Variants in NDUFAF2 observed in about 807,000 individuals in gnomAD.
The protein encoded by NDUFAF2 is NADH:ubiquinone oxidoreductase complex assembly factor 2, also known as NADH dehydrogenase [ubiquinone] 1 alpha subcomplex assembly factor 2.
A neutral mutation model predicts 22.8 loss-of-function variants in NDUFAF2; 13 were observed. The observed-to-expected ratio is 0.57, with a 90% CI of 0.37 to 0.91. The LOEUF (loss-of-function observed/expected upper bound fraction) is 0.91, where lower values mean the gene tolerates loss of function less well. Among genes scored for constraint, NDUFAF2 ranks in the 40% least tolerant of loss-of-function variants. The probability of loss-of-function intolerance (pLI) is 0.01; values close to 1 mark genes in which losing one functional copy is unlikely to be tolerated. For synonymous variants in NDUFAF2, 53 were observed against 64.2 expected, an observed-to-expected ratio of 0.83 and a Z score of 0.84; for missense variants, 162 against 195.2, an observed-to-expected ratio of 0.83 and a Z score of 1.01.
chr5:60,979,363 C>T (rs1750945684), intron 1 of NDUFAF2, among the ~76,000 whole-genome samples: 2 of 152,110 alleles, frequency 1.3e-5, no homozygotes, highest in African/African-American at 2.4e-5. Context: ...CTCATGGGGC[C>T]CCCACTTTTA....
intron 2 of NDUFAF2, among the ~76,000 whole-genome samples, chr5:61,094,091 G>A (rs1752605321): frequency 6.6e-6 from 1 of 151,998 alleles, no homozygotes; most frequent in African/African-American, 2.4e-5. Context: ...TTTCTATGGG[G>A]TCAGCGATAC....
chr5:61,083,637 A>G (rs1397874409), intron 2 of NDUFAF2, among the ~76,000 whole-genome samples: 1 of 145,782 alleles, frequency 6.9e-6, no homozygotes, highest in African/African-American at 2.4e-5. Context: ...TCGGCCTCCC[A>G]AAAGTGCTGG....
chr5:61,092,641 A>C (rs560280707), intron 2 of NDUFAF2, among the ~76,000 whole-genome samples: 1 of 152,300 alleles, frequency 6.6e-6, no homozygotes, highest in Non-Finnish European at 1.5e-5. Flanking sequence ...ATACAGGATC[A>C]TGTCATCTGC....
At chr5:60,957,911 A>G (rs1269037114) in intron 1 of NDUFAF2, among the ~76,000 whole-genome samples, 2 of 151,986 alleles carry the variant, frequency 1.3e-5, no homozygotes, top group Non-Finnish European at 2.9e-5. Context: ...TTTGTGTATA[A>G]CCTGTATTAG....
chr5:61,107,755 C>T lies in NDUFAF2; in HGVS notation c.258+8723C>T, dbSNP rs563699411. 6.7e-5 allele frequency among the ~76,000 whole-genome samples: 10 copies of T among 149,990 alleles called. 1 individual carries two copies. Among genetic ancestry groups the T allele is most frequent in the South Asian group, 2.1e-4 (1 of 4,770 alleles). On this transcript the variant is annotated intron_variant, in intron 3 of 3. Coordinates refer to ENST00000296597, the MANE Select transcript of NDUFAF2 (RefSeq NM_174889.5). ...TATGTATACACGTGCCATGCTGGTG[C>T]GCTGCACCCACTAACTCGTCATCTA...
chr5:60,994,582 A>G (rs1561537230), intron 1 of NDUFAF2, among the ~76,000 whole-genome samples: 1 of 152,234 alleles, frequency 6.6e-6, no homozygotes, highest in African/African-American at 2.4e-5. Context: ...TTGGAGCTCC[A>G]TTGTTGTTTA....
At chr5:60,994,660 T>C (rs1357094596) in intron 1 of NDUFAF2, among the ~76,000 whole-genome samples, 1 of 152,246 alleles carries the variant, frequency 6.6e-6, no homozygotes, top group South Asian at 2.1e-4. Flanking sequence ...ATTAAATGTC[T>C]TGAAGTAGTC....
chr5:61,121,801 G>C (rs1752979037), intron 3 of NDUFAF2, among the ~76,000 whole-genome samples: 1 of 149,902 alleles, frequency 6.7e-6, no homozygotes, highest in African/African-American at 2.4e-5. Context: ...CTGAAGACTG[G>C]TTTCTTTTCT....
chr5:61,026,327 G>T (rs1751649588), intron 1 of NDUFAF2, among the ~76,000 whole-genome samples: 1 of 151,926 alleles, frequency 6.6e-6, no homozygotes, highest in Admixed American at 6.6e-5. Context: ...TGGTAATAAG[G>T]GTTTACACTG....
intron 3 of NDUFAF2, among the ~76,000 whole-genome samples, chr5:61,138,158 G>A (rs1278105486): frequency 6.6e-6 from 1 of 152,174 alleles, no homozygotes; most frequent in Non-Finnish European, 1.5e-5. Context: ...AGGCAAGTTT[G>A]GATTTTGTTG....
chr5:61,063,343 T>TAA (rs35853222), intron 1 of NDUFAF2, among the ~76,000 whole-genome samples: 110 of 146,810 alleles, frequency 7.5e-4, no homozygotes, highest in Non-Finnish European at 1.2e-3. Context: ...TCAAAAAAGT[T>TAA]AAAAAAAAAA....
intron 1 of NDUFAF2, among the ~76,000 whole-genome samples, chr5:61,018,821 G>A (rs997086797): frequency 2.0e-5 from 3 of 151,982 alleles, no homozygotes; most frequent in African/African-American, 7.2e-5. Flanking sequence ...GATTCCATAG[G>A]CTTATGGATG....
chr5:61,053,823 G>A (rs1458417949), intron 1 of NDUFAF2, among the ~76,000 whole-genome samples: 1 of 152,046 alleles, frequency 6.6e-6, no homozygotes, highest in Non-Finnish European at 1.5e-5. Context: ...CCTGGATGAA[G>A]GTCTTGGTGT....
chr5:61,109,216 C>G (rs1289629827), intron 3 of NDUFAF2, among the ~76,000 whole-genome samples: 1 of 152,028 alleles, frequency 6.6e-6, no homozygotes, highest in Non-Finnish European at 1.5e-5. Flanking sequence ...TTGTTTGTAG[C>G]TATTGTAAAT....
intron 1 of NDUFAF2, among the ~76,000 whole-genome samples, chr5:61,016,453 G>C (rs976716356): frequency 6.6e-6 from 1 of 152,156 alleles, no homozygotes; most frequent in African/African-American, 2.4e-5. Context: ...TGCATTTCTG[G>C]TAGGTGGCAG....
chr5:61,001,919 T>C (rs1434314358), intron 1 of NDUFAF2, among the ~76,000 whole-genome samples: 1 of 152,092 alleles, frequency 6.6e-6, no homozygotes, highest in African/African-American at 2.4e-5. Context: ...CCTCTAAAAC[T>C]AGTATCGTCA....
At chr5:61,050,728 C>T (rs1213216988) in intron 1 of NDUFAF2, among the ~76,000 whole-genome samples, 1 of 152,098 alleles carries the variant, frequency 6.6e-6, no homozygotes, top group African/African-American at 2.4e-5. Context: ...AAAGGGCTGA[C>T]AGACAGTAGT....
chr5:61,132,150 C>G (rs1328169372), intron 3 of NDUFAF2, among the ~76,000 whole-genome samples: 1 of 152,108 alleles, frequency 6.6e-6, no homozygotes, highest in Non-Finnish European at 1.5e-5. Flanking sequence ...TGTGATTTGT[C>G]TATTTATAGT....
At chr5:61,067,639 T>G (rs1334797067) in intron 1 of NDUFAF2, among the ~76,000 whole-genome samples, 5 of 152,200 alleles carry the variant, frequency 3.3e-5, no homozygotes, top group Non-Finnish European at 4.4e-5. Context: ...TGTGTCTTTA[T>G]AGCAGCATTA....
Sources: gnomAD v4.1 joint callset for allele counts (sites outside exome capture counted in the v4.1 genomes callset) on GRCh38, gnomAD v4.1.1 for gene constraint, MANE v1.5 for transcripts, NCBI Gene and HGNC (gene_info 2026-07-23, HGNC 2026-07-21) for gene names.